RTF1: variants seen among roughly 807,000 people sequenced by gnomAD.
The protein encoded by RTF1 is RNA polymerase-associated protein RTF1 homolog.
A neutral mutation model predicts 95.7 loss-of-function variants in RTF1; 10 were observed. The observed-to-expected ratio is 0.10, with a 90% CI of 0.06 to 0.18. The LOEUF (loss-of-function observed/expected upper bound fraction) is 0.18. Ranked by LOEUF, RTF1 falls within the 10% of genes least tolerant of loss-of-function variation. The pLI is 1.00. For missense variants in RTF1, 458 were observed against 875.6 expected (o/e 0.52, Z 6.02); for synonymous variants, 305 against 311.8 (o/e 0.98, Z 0.23).
At chr15:41,426,810 TG>T (rs1566835863) in intron 1 of RTF1, among the ~76,000 whole-genome samples, 9 of 139,574 alleles carry the variant, frequency 6.4e-5, no homozygotes, top group African/African-American at 2.4e-4. Context: ...TGTGTGTGTG[TG>T]TGTGTGTGTG....
intron 4 of RTF1, among the ~76,000 whole-genome samples, chr15:41,458,734 G>A (rs1434513549): frequency 2.0e-5 from 3 of 151,998 alleles, no homozygotes; most frequent in South Asian, 4.1e-4. Flanking sequence ...TGGTGAGAGC[G>A]AGACTCTGTC....
At chr15:41,461,199 C>T (rs1037613060) in intron 4 of RTF1, among the ~76,000 whole-genome samples, 4 of 152,040 alleles carry the variant, frequency 2.6e-5, no homozygotes, top group Non-Finnish European at 5.9e-5. Flanking sequence ...CCCACCACCA[C>T]GCCCAGCTAA....
At chr15:41,460,870 C>CT (rs1053806833) in intron 4 of RTF1, among the ~76,000 whole-genome samples, 3 of 147,274 alleles carry the variant, frequency 2.0e-5, no homozygotes, top group Admixed American at 6.8e-5. Flanking sequence ...AATATTTTTT[C>CT]TTTTTTTTCT....
At chr15:41,434,330 A>T (rs2050691246) in intron 1 of RTF1, among the ~76,000 whole-genome samples, 1 of 152,168 alleles carries the variant, frequency 6.6e-6, no homozygotes, top group Non-Finnish European at 1.5e-5. Context: ...ATACATTCAT[A>T]CAGTGGAATA....
At position 41,449,227 on chromosome 15, in the gene RTF1, AT is replaced by A. The variant is rs34660598; in HGVS notation, c.310-3653del. Among the ~76,000 whole-genome samples the A allele has an allele frequency of 1.7e-3, 189 of 109,290 alleles. 1 individual carries two copies. The highest frequency in any genetic ancestry group is 6.1e-3 in the Middle Eastern group (1 of 164). The allele number at this position is 109,290 out of a possible 152,430, so 71.7% of individuals were successfully genotyped here. A position where few individuals can be genotyped will look rare whatever the true frequency, so the allele number is the denominator to read the frequency against. ...TTGTCCCTGTTGTGGAGGCAGGTGAATTTTTTTTTTTTTTTTTTTTTGAGAC... is the reference window on the plus strand; with the variant it reads ...TTGTCCCTGTTGTGGAGGCAGGTGAATTTTTTTTTTTTTTTTTTTTGAGAC... On this transcript the variant is annotated intron_variant, in intron 2 of 17. Coordinates refer to ENST00000389629, the MANE Select transcript of RTF1 (RefSeq NM_015138.5).
At chr15:41,479,935 G>A (rs752660702) in intron 16 of RTF1, among the ~76,000 whole-genome samples, 7 of 151,758 alleles carry the variant, frequency 4.6e-5, no homozygotes, top group Non-Finnish European at 1.0e-4. Flanking sequence ...CTGGTCTCAG[G>A]ATTTCTGAAA....
At chr15:41,466,469 C>T (rs1012546464) in intron 6 of RTF1, among the ~76,000 whole-genome samples, 1 of 152,172 alleles carries the variant, frequency 6.6e-6, no homozygotes, top group African/African-American at 2.4e-5. Flanking sequence ...TATTTTAAAG[C>T]AAATACCAGC....
intron 13 of RTF1, 50 bp from the exon 14 acceptor site, chr15:41,477,408 C>T (rs754009312): frequency 5.6e-6 from 9 of 1,611,142 alleles, no homozygotes; most frequent in Admixed American, 5.0e-5. Context: ...CTCAGTGGTT[C>T]CCTCCCTCCC....
chr15:41,477,461 C>T lies in RTF1; in HGVS notation c.1686C>T (p.Tyr562=). Reference sequence around the variant, plus strand: ...ACTCATCCCTCTTACCCCACAGTTACATCAACCAGCGGAACCGGGAGTGGA... The same window carrying T: ...ACTCATCCCTCTTACCCCACAGTTATATCAACCAGCGGAACCGGGAGTGGA... ...QRTKNISAIS[Y]INQRNREWNI... Residue 562 remains tyrosine, a synonymous_variant, in exon 14 of 18, where the codon TAC becomes TAT. Transcript: ENST00000389629. The T allele has an allele frequency of 6.2e-7, 1 of 1,614,210 alleles. No individual in the cohort carries two copies. Among genetic ancestry groups the T allele is most frequent in the Non-Finnish European group, 8.5e-7 (1 of 1,180,024 alleles).
chr15:41,438,438 G>A lies in RTF1; in HGVS notation c.309+7G>A. On this transcript the variant is annotated splice_region_variant and intron_variant, in intron 2 of 17. Coordinates refer to ENST00000389629, the MANE Select transcript of RTF1 (RefSeq NM_015138.5). ...GTCTGACAGTGACGATGAGGTGGGTGTGGAGGGCCTCGGCTTCTGGGACCA... is the reference window on the plus strand; with the variant it reads ...GTCTGACAGTGACGATGAGGTGGGTATGGAGGGCCTCGGCTTCTGGGACCA... 1 of 1,541,494 alleles carries A rather than the reference G, an allele frequency of 6.5e-7. No individual in the cohort carries two copies. The highest frequency in any genetic ancestry group is 8.8e-7 in the Non-Finnish European group (1 of 1,138,862).
intron 2 of RTF1, among the ~76,000 whole-genome samples, chr15:41,449,649 T>A (rs1433979358): frequency 6.8e-6 from 1 of 147,170 alleles, no homozygotes; most frequent in African/African-American, 2.5e-5. Flanking sequence ...GGCCTGGTGA[T>A]TTTTTTTTTT....
At chr15:41,458,317 G>C (rs1214206163) in intron 4 of RTF1, among the ~76,000 whole-genome samples, 3 of 152,168 alleles carry the variant, frequency 2.0e-5, no homozygotes, top group Non-Finnish European at 4.4e-5. Flanking sequence ...CTAGTTGAGT[G>C]AATGAATGAA....
At chr15:41,476,369 C>A in intron 11 of RTF1, 77 bp from the exon 12 acceptor site, 2 of 1,184,260 alleles carry the variant, frequency 1.7e-6, no homozygotes, top group Non-Finnish European at 2.5e-6. Context: ...CTGTTTGCAT[C>A]CAAAATGGGC....
intron 2 of RTF1, among the ~76,000 whole-genome samples, chr15:41,441,615 C>A (rs1179558214): frequency 6.6e-6 from 1 of 152,168 alleles, no homozygotes; most frequent in Non-Finnish European, 1.5e-5. Flanking sequence ...GTTTAGGGTT[C>A]CCTTTGTTAC....
chr15:41,439,096 A>C (rs1257896867), intron 2 of RTF1, among the ~76,000 whole-genome samples: 2 of 143,212 alleles, frequency 1.4e-5, no homozygotes, highest in Non-Finnish European at 3.0e-5. Context: ...CAGTGGTGTG[A>C]TCTTGGCTCA....
intron 4 of RTF1, among the ~76,000 whole-genome samples, chr15:41,461,233 G>A (rs1595436018): frequency 6.6e-6 from 1 of 151,894 alleles, no homozygotes; most frequent in African/African-American, 2.4e-5. Context: ...AGCAGGGACG[G>A]GGTTTCACCA....
intron 4 of RTF1, among the ~76,000 whole-genome samples, chr15:41,458,956 C>T (rs1223281277): frequency 6.6e-6 from 1 of 152,008 alleles, no homozygotes; most frequent in African/African-American, 2.4e-5. Context: ...TCTGTAATCC[C>T]AGCTATTCGG....
intron 8 of RTF1, among the ~76,000 whole-genome samples, chr15:41,473,202 T>C (rs2050923418): frequency 1.3e-5 from 2 of 151,438 alleles, no homozygotes; most frequent in South Asian, 2.1e-4. Flanking sequence ...GGCGCGATCT[T>C]GGCTTACTGC....
intron 4 of RTF1, among the ~76,000 whole-genome samples, chr15:41,462,638 C>T (rs2050856597): frequency 6.6e-6 from 1 of 152,118 alleles, no homozygotes; most frequent in African/African-American, 2.4e-5. Context: ...CAATCATCAC[C>T]ACAATTAATT....
Sources: allele counts gnomAD v4.1 joint callset (sites outside exome capture counted in the v4.1 genomes callset), GRCh38; gene constraint gnomAD v4.1.1; transcripts MANE v1.5; gene names NCBI Gene and HGNC (gene_info 2026-07-23, HGNC 2026-07-21).